The following SLC8A1 variants were observed in gnomAD, a reference collection of about 807,000 sequenced individuals.
The protein encoded by SLC8A1 is sodium/calcium exchanger 1.
In SLC8A1, 18 loss-of-function variants were observed where a neutral mutation model predicts 68.3. The ratio of observed to expected loss-of-function variants is 0.26; its 90% CI spans 0.18 to 0.39. The LOEUF (loss-of-function observed/expected upper bound fraction) is 0.39. Ranked by LOEUF, SLC8A1 falls within the 10% of genes least tolerant of loss-of-function variation. SLC8A1 has a pLI of 1.00. For missense variants in SLC8A1, 985 were observed against 1,156.7 expected (o/e 0.85, Z 2.15); for synonymous variants, 475 against 415.5 (o/e 1.14, Z -1.74).
chr2:40,343,579 T>C (rs1668367401), intron 2 of SLC8A1, among the ~76,000 whole-genome samples: 1 of 152,214 alleles, frequency 6.6e-6, no homozygotes, highest in African/African-American at 2.4e-5. Flanking sequence ...TTGTATGTAT[T>C]AGGATCTGTA....
At chr2:40,126,401 A>C (rs539832464) in intron 7 of SLC8A1, among the ~76,000 whole-genome samples, 1 of 152,314 alleles carries the variant, frequency 6.6e-6, no homozygotes, top group Admixed American at 6.5e-5. Flanking sequence ...TGGATATTCC[A>C]AAGTCCTAAC....
intron 2 of SLC8A1, among the ~76,000 whole-genome samples, chr2:40,237,188 C>A (rs1291009433): frequency 6.6e-6 from 1 of 152,256 alleles, no homozygotes; most frequent in East Asian, 1.9e-4. Flanking sequence ...TGGATAATAT[C>A]CTGCAGCTTG....
chr2:40,298,373 T>C (rs2070808944), intron 2 of SLC8A1, among the ~76,000 whole-genome samples: 1 of 152,204 alleles, frequency 6.6e-6, no homozygotes, highest in Admixed American at 6.5e-5. Flanking sequence ...GATTTGGTTA[T>C]AGAATTGGAA....
intron 1 of SLC8A1, among the ~76,000 whole-genome samples, chr2:40,491,859 G>C (rs1705337513): frequency 6.6e-6 from 1 of 152,040 alleles, no homozygotes. Flanking sequence ...ACAAACAAAT[G>C]GAAGAACATT....
intron 2 of SLC8A1, among the ~76,000 whole-genome samples, chr2:40,333,905 G>T (rs756678080): frequency 2.6e-5 from 4 of 151,942 alleles, no homozygotes; most frequent in African/African-American, 9.7e-5. Flanking sequence ...AAAATTAGCC[G>T]GACATGGTGG....
At chr2:40,132,414 C>T (rs866509038) in intron 7 of SLC8A1, among the ~76,000 whole-genome samples, 3 of 152,046 alleles carry the variant, frequency 2.0e-5, no homozygotes, top group South Asian at 2.1e-4. Flanking sequence ...ACTGGAGTTA[C>T]ATCCAGGCAT....
chr2:40,254,781 C>T (rs2063612485), intron 2 of SLC8A1: 1 of 152,174 alleles, frequency 6.6e-6, no homozygotes, highest in African/African-American at 2.4e-5. Flanking sequence ...TTCATTTTCA[C>T]AAGATTGACA....
chr2:40,456,063 T>C (rs1702991681), upstream of SLC8A1, among the ~76,000 whole-genome samples: 1 of 152,184 alleles, frequency 6.6e-6, no homozygotes, highest in Non-Finnish European at 1.5e-5. Flanking sequence ...ACGCCTGTAA[T>C]CCCAGCACTT....
chr2:40,399,119 A>C (rs1441982178), intron 2 of SLC8A1, among the ~76,000 whole-genome samples: 1 of 152,230 alleles, frequency 6.6e-6, no homozygotes, highest in African/African-American at 2.4e-5. Context: ...AGAGGAAAGA[A>C]CAGGTAAAAC....
chr2:40,231,509 T>G lies in SLC8A1; in HGVS notation c.1809-53654A>C, dbSNP rs369391118. 2.2e-4 allele frequency among the ~76,000 whole-genome samples: 34 copies of G among 152,254 alleles called. No individual in the cohort carries two copies. In the South Asian group the frequency reaches 6.6e-3, roughly 30 times the overall value. On this transcript the variant is annotated intron_variant, in intron 2 of 7. Coordinates refer to ENST00000406785, the Ensembl canonical transcript of SLC8A1. Reference sequence around the variant, plus strand: ...ACTTTTCACACTCTTTTTTTTATTTTCTTTGAGTCTCAGTTGAACTATTCA... The same window carrying G: ...ACTTTTCACACTCTTTTTTTTATTTGCTTTGAGTCTCAGTTGAACTATTCA...
chr2:40,233,434 G>C (rs2059946950), intron 2 of SLC8A1, among the ~76,000 whole-genome samples: 1 of 148,168 alleles, frequency 6.7e-6, no homozygotes, highest in Non-Finnish European at 1.5e-5. Context: ...CCCACTTTTT[G>C]ATGGGGTTGT....
chr2:40,176,194 C>G (rs942409141), intron 3 of SLC8A1, among the ~76,000 whole-genome samples: 1 of 152,028 alleles, frequency 6.6e-6, no homozygotes, highest in Non-Finnish European at 1.5e-5. Flanking sequence ...AGTTTTCTCT[C>G]TAATGATGGT....
chr2:40,133,235 C>T lies in SLC8A1; in HGVS notation c.2437+6166G>A, dbSNP rs549060713. On this transcript the variant is annotated intron_variant, in intron 7 of 7. Transcript: ENST00000406785. ...TCTTGGTGCACAGTCGTTAACACCA[C>T]GCTAAGAGAACATGGTGAACAACCA... Among the ~76,000 whole-genome samples, 58 of 152,142 alleles carry T rather than the reference C, an allele frequency of 3.8e-4. 1 individual carries two copies. The highest frequency in any genetic ancestry group is 1.2e-3 in the African/African-American group (48 of 41,506).
intron 2 of SLC8A1, among the ~76,000 whole-genome samples, chr2:40,204,577 A>C (rs1248793596): frequency 6.6e-6 from 1 of 152,000 alleles, no homozygotes; most frequent in Non-Finnish European, 1.5e-5. Flanking sequence ...GCCCCATTCT[A>C]ATGACTCTAT....
chr2:40,115,553 G>A (rs187957282), exon 8 of SLC8A1: 23 of 1,614,052 alleles, frequency 1.4e-5, no homozygotes, highest in African/African-American at 6.7e-5. Context: ...CATTCACCGC[G>A]TTGCTGCCCG....
At chr2:40,169,989 G>T (rs1268573651) in intron 4 of SLC8A1, among the ~76,000 whole-genome samples, 1 of 152,118 alleles carries the variant, frequency 6.6e-6, no homozygotes, top group Non-Finnish European at 1.5e-5. Flanking sequence ...AAAAACTGAT[G>T]TGCGAGAAGA....
chr2:40,303,123 G>T (rs1348714843), intron 2 of SLC8A1, among the ~76,000 whole-genome samples: 2 of 152,130 alleles, frequency 1.3e-5, no homozygotes, highest in Non-Finnish European at 2.9e-5. Flanking sequence ...GATTCATTTT[G>T]GATAAGTGAT....
intron 2 of SLC8A1, among the ~76,000 whole-genome samples, chr2:40,394,373 T>C (rs556557548): frequency 9.5e-4 from 144 of 152,148 alleles, no homozygotes; most frequent in African/African-American, 3.3e-3. Flanking sequence ...CGTGGATTCA[T>C]CAGGGCACTG....
intron 1 of SLC8A1, among the ~76,000 whole-genome samples, chr2:40,482,860 G>T (rs1469092698): frequency 1.4e-5 from 2 of 147,090 alleles, no homozygotes; most frequent in Admixed American, 6.9e-5. Flanking sequence ...GCGCGATCTC[G>T]GCTCACTGCA....
Sources: gnomAD v4.1 joint callset for allele counts (sites outside exome capture counted in the v4.1 genomes callset) on GRCh38, gnomAD v4.1.1 for gene constraint, MANE v1.5 for transcripts, NCBI Gene and HGNC (gene_info 2026-07-23, HGNC 2026-07-21) for gene names.